Variants in LRRC37A2 observed in about 807,000 individuals in gnomAD.
The protein encoded by LRRC37A2 is leucine-rich repeat-containing protein 37A2.
LRRC37A2 carries 9 observed loss-of-function variants against 68.8 expected under a neutral mutation model. The ratio of observed to expected loss-of-function variants is 0.13; its 90% CI spans 0.08 to 0.23. The LOEUF (loss-of-function observed/expected upper bound fraction) is 0.23, where lower values mean the gene tolerates loss of function less well. Among genes scored for constraint, LRRC37A2 ranks in the 10% least tolerant of loss-of-function variants. LRRC37A2 has a pLI of 1.00. For synonymous variants in LRRC37A2, 63 were observed against 367.6 expected, an observed-to-expected ratio of 0.17 and a Z score of 9.48; for missense variants, 168 against 950.4, an observed-to-expected ratio of 0.18 and a Z score of 10.82.
At chr17:46,978,884 C>T in the LRRC37A2 span, 1 of 1,543,518 alleles carries the variant, frequency 6.5e-7, no homozygotes, top group Admixed American at 2.0e-5. Flanking sequence ...AGCGGTGCGC[C>T]CCCTGGACAG....
At chr17:46,856,110 T>C in the LRRC37A2 span, among the ~76,000 whole-genome samples, 1 of 152,232 alleles carries the variant, frequency 6.6e-6, no homozygotes, top group Non-Finnish European at 1.5e-5. Context: ...TCTGCACTGG[T>C]TGAGTTTCTT....
chr17:46,963,481 G>T, the LRRC37A2 span, among the ~76,000 whole-genome samples: 8 of 151,206 alleles, frequency 5.3e-5, no homozygotes. Context: ...GGAGGTGGAG[G>T]TTACAGTGAG....
At chr17:46,904,467 TGG>T in the LRRC37A2 span, among the ~76,000 whole-genome samples, 2 of 146,942 alleles carry the variant, frequency 1.4e-5, no homozygotes, top group Non-Finnish European at 3.0e-5. Flanking sequence ...GATGGATGGA[TGG>T]ATGGATGGAT....
the LRRC37A2 span, chr17:46,757,057 C>T: frequency 5.3e-5 from 8 of 152,234 alleles, no homozygotes; most frequent in Non-Finnish European, 1.0e-4. Context: ...AGGTGCTTAC[C>T]TCACACGCCA....
At chr17:46,903,268 T>G in the LRRC37A2 span, among the ~76,000 whole-genome samples, 2 of 134,070 alleles carry the variant, frequency 1.5e-5, no homozygotes. Context: ...GCAACAAGAG[T>G]GTGACTCTGT....
the LRRC37A2 span, among the ~76,000 whole-genome samples, chr17:46,912,715 G>T: frequency 6.6e-6 from 1 of 152,200 alleles, no homozygotes; most frequent in African/African-American, 2.4e-5. Flanking sequence ...TTAACCCAAG[G>T]GGGTGAGGAG....
the LRRC37A2 span, among the ~76,000 whole-genome samples, chr17:46,957,304 CAAA>C: frequency 6.6e-6 from 1 of 151,868 alleles, no homozygotes; most frequent in Non-Finnish European, 1.5e-5. Flanking sequence ...GACCCTGCCT[CAAA>C]AAGAAAACAA....
At chr17:46,861,993 A>C in the LRRC37A2 span, among the ~76,000 whole-genome samples, 2 of 152,006 alleles carry the variant, frequency 1.3e-5, no homozygotes, top group African/African-American at 2.4e-5. Context: ...GTGAAACCCC[A>C]TCTCTACTAA....
the LRRC37A2 span, among the ~76,000 whole-genome samples, chr17:46,943,964 A>G: frequency 1.3e-5 from 2 of 151,946 alleles, no homozygotes; most frequent in African/African-American, 2.4e-5. Context: ...AATGCAGGGT[A>G]TCTAGGAAGA....
chr17:46,893,094 T>C, the LRRC37A2 span, among the ~76,000 whole-genome samples: 3 of 152,078 alleles, frequency 2.0e-5, no homozygotes, highest in Admixed American at 2.0e-4. Context: ...CCACCATGCC[T>C]GGCTAATTTT....
chr17:46,584,982 GA>G, the LRRC37A2 span, among the ~76,000 whole-genome samples: 1 of 62,800 alleles, frequency 1.6e-5, no homozygotes, highest in African/African-American at 6.6e-5. Context: ...CCTTACCTCA[GA>G]AACAGCCCTC....
chr17:46,951,237 C>T, the LRRC37A2 span, among the ~76,000 whole-genome samples: 20 of 152,148 alleles, frequency 1.3e-4, no homozygotes, highest in South Asian at 6.2e-4. Context: ...GCTGGAACGG[C>T]GGGTTCCAGA....
At chr17:46,839,913 TTTC>T in the LRRC37A2 span, among the ~76,000 whole-genome samples, 1 of 13,862 alleles carries the variant, frequency 7.2e-5, no homozygotes, top group Non-Finnish European at 1.5e-4. Flanking sequence ...CATTTTCTCT[TTTC>T]TTTCTTTCTT....
chr17:46,988,663 C>G, the LRRC37A2 span, among the ~76,000 whole-genome samples: 1 of 152,030 alleles, frequency 6.6e-6, no homozygotes, highest in African/African-American at 2.4e-5. Context: ...TTGAGGGGCT[C>G]AGGGTTGAAC....
At chr17:46,997,889 G>A in the LRRC37A2 span, among the ~76,000 whole-genome samples, 2 of 151,396 alleles carry the variant, frequency 1.3e-5, no homozygotes, top group African/African-American at 4.9e-5. Flanking sequence ...AGAATTGTTT[G>A]AACCCAGGAG....
At chr17:46,909,213 T>C in the LRRC37A2 span, among the ~76,000 whole-genome samples, 7 of 152,156 alleles carry the variant, frequency 4.6e-5, no homozygotes, top group African/African-American at 1.7e-4. Flanking sequence ...ATTTTTTTTG[T>C]AGAGATGAGG....
chr17:47,006,117 G>A, the LRRC37A2 span, among the ~76,000 whole-genome samples: 1 of 151,772 alleles, frequency 6.6e-6, no homozygotes, highest in East Asian at 1.9e-4. Flanking sequence ...GGTTGTGGTG[G>A]GCCAAGATTG....
At chr17:46,735,876 C>T in the LRRC37A2 span, among the ~76,000 whole-genome samples, 1 of 152,072 alleles carries the variant, frequency 6.6e-6, no homozygotes, top group Non-Finnish European at 1.5e-5. Flanking sequence ...ACCCAGGAGG[C>T]GGAGTTTGCA....
chr17:46,846,479 A>G, the LRRC37A2 span, among the ~76,000 whole-genome samples: 2 of 152,242 alleles, frequency 1.3e-5, no homozygotes, highest in Non-Finnish European at 2.9e-5. Flanking sequence ...ACTCAAGGAC[A>G]GTGTATATCA....
Sources: allele counts gnomAD v4.1 joint callset (sites outside exome capture counted in the v4.1 genomes callset), GRCh38; gene constraint gnomAD v4.1.1; transcripts MANE v1.5; gene names NCBI Gene and HGNC (gene_info 2026-07-23, HGNC 2026-07-21).